EEA1: variants seen among roughly 807,000 people sequenced by gnomAD.
EEA1 encodes early endosome antigen 1, 162kD.
In EEA1, 111 loss-of-function variants were observed where a neutral mutation model predicts 209.2. The ratio of observed to expected loss-of-function variants is 0.53; its 90% CI spans 0.45 to 0.62. The LOEUF (loss-of-function observed/expected upper bound fraction) is 0.62. Among genes scored for constraint, EEA1 ranks in the 20% least tolerant of loss-of-function variants. The pLI is 0.00. For synonymous variants in EEA1, 536 were observed against 540.6 expected, an observed-to-expected ratio of 0.99 and a Z score of 0.12; for missense variants, 1,343 against 1,530.8, an observed-to-expected ratio of 0.88 and a Z score of 2.05.
At chr12:92,808,699 T>C (rs1483928618) in intron 18 of EEA1, among the ~76,000 whole-genome samples, 1 of 152,182 alleles carries the variant, frequency 6.6e-6, no homozygotes, top group Non-Finnish European at 1.5e-5. Flanking sequence ...TTTTTAATTT[T>C]ACAGTAATTT....
At chr12:92,921,402 T>TGG (rs1206565774) in intron 1 of EEA1, among the ~76,000 whole-genome samples, 1 of 98,852 alleles carries the variant, frequency 1.0e-5, no homozygotes, top group East Asian at 2.1e-4. Flanking sequence ...ATATACACCA[T>TGG]GGAATACTAT....
intron 1 of EEA1, among the ~76,000 whole-genome samples, chr12:92,911,097 T>C (rs928018184): frequency 6.6e-6 from 1 of 152,222 alleles, no homozygotes; most frequent in Non-Finnish European, 1.5e-5. Context: ...AAACTAAACA[T>C]ACTCTTACTA....
intron 1 of EEA1, among the ~76,000 whole-genome samples, chr12:92,926,496 T>C (rs1229779047): frequency 6.6e-6 from 1 of 152,168 alleles, no homozygotes; most frequent in Non-Finnish European, 1.5e-5. Flanking sequence ...AAAATATATA[T>C]TCTACCTTCT....
At chr12:92,836,468 A>G (rs1876935591) in intron 10 of EEA1, among the ~76,000 whole-genome samples, 1 of 152,228 alleles carries the variant, frequency 6.6e-6, no homozygotes, top group South Asian at 2.1e-4. Context: ...GAATATAAAA[A>G]GAGTGCCATG....
At position 92,842,506 on chromosome 12, in the gene EEA1, T is replaced by G; in HGVS notation, c.874A>C (p.Lys292Gln). The change falls in exon 10 of 29, where the codon AAA becomes CAA. Residue 292 changes from lysine to glutamine, a missense_variant. Transcript: ENST00000322349. ...EVAVYVQELQ[K>Q]LKSSVNELTQ... ...AATTCATTAACTGAACTTTTCAGTT[T>G]TTGTAGTTCCTGTACATATACAGCA... The G allele has an allele frequency of 1.2e-6, 2 of 1,608,852 alleles. No individual in the cohort carries two copies.
chr12:92,868,488 A>G (rs1878498098), intron 2 of EEA1, among the ~76,000 whole-genome samples: 1 of 152,194 alleles, frequency 6.6e-6, no homozygotes, highest in African/African-American at 2.4e-5. Context: ...CTTTTTGACT[A>G]TTGGCTCCAC....
chr12:92,804,980 C>T (rs1875125469), intron 18 of EEA1, among the ~76,000 whole-genome samples: 1 of 152,024 alleles, frequency 6.6e-6, no homozygotes. Context: ...AAAGGTTTTC[C>T]TACCCCAATA....
chr12:92,915,267 G>A (rs867683043), intron 1 of EEA1, among the ~76,000 whole-genome samples: 53 of 152,100 alleles, frequency 3.5e-4, no homozygotes, highest in African/African-American at 1.3e-3. Flanking sequence ...AGGAGTTCAA[G>A]ACTAGCCTGG....
At chr12:92,790,100 T>A (rs972025110) in intron 21 of EEA1, among the ~76,000 whole-genome samples, 1 of 150,590 alleles carries the variant, frequency 6.6e-6, no homozygotes, top group African/African-American at 2.4e-5. Context: ...AACAAAAAGG[T>A]CATCTACACC....
intron 28 of EEA1, 43 bp downstream of exon 28, chr12:92,776,801 A>C (rs1434160106): frequency 6.5e-7 from 1 of 1,541,494 alleles, no homozygotes; most frequent in Admixed American, 1.7e-5. Context: ...TATCAGTGAC[A>C]AATGAAATCC....
chr12:92,903,692 A>G (rs1033604387), intron 1 of EEA1, among the ~76,000 whole-genome samples: 1 of 152,174 alleles, frequency 6.6e-6, no homozygotes, highest in Non-Finnish European at 1.5e-5. Flanking sequence ...AAAAGAATGT[A>G]TATGATATAA....
chr12:92,894,585 T>C (rs551961836), intron 1 of EEA1, among the ~76,000 whole-genome samples: 1 of 152,326 alleles, frequency 6.6e-6, no homozygotes, highest in African/African-American at 2.4e-5. Context: ...AAACCAGCCA[T>C]TAACGTTCCC....
intron 22 of EEA1, among the ~76,000 whole-genome samples, chr12:92,786,287 C>T (rs1465008315): frequency 1.3e-5 from 2 of 152,096 alleles, no homozygotes; most frequent in African/African-American, 4.8e-5. Context: ...TTTAGTGGTT[C>T]CTCACTGTTC....
intron 2 of EEA1, among the ~76,000 whole-genome samples, chr12:92,889,022 C>G (rs549090202): frequency 8.6e-5 from 13 of 151,868 alleles, no homozygotes; most frequent in Admixed American, 3.3e-4. Flanking sequence ...TGTGGTGGCA[C>G]GTGCCTGTAA....
intron 17 of EEA1, 31 bp downstream of exon 17, chr12:92,811,248 T>C: frequency 7.2e-7 from 1 of 1,381,284 alleles, no homozygotes; most frequent in Non-Finnish European, 9.5e-7. Context: ...AAGTAGAAAA[T>C]ATGACTAAAT....
At chr12:92,813,227 T>C in intron 15 of EEA1, 134 bp from the exon 16 acceptor site, 1 of 468,682 alleles carries the variant, frequency 2.1e-6, no homozygotes, top group Non-Finnish European at 3.7e-6. Flanking sequence ...GATTTATATA[T>C]TGAAAAATAT....
chr12:92,908,909 C>T (rs1440599362), intron 1 of EEA1, among the ~76,000 whole-genome samples: 5 of 152,100 alleles, frequency 3.3e-5, no homozygotes, highest in Admixed American at 1.3e-4. Context: ...CTGCAACCTC[C>T]GCCTCCCAAG....
chr12:92,832,273 G>C (rs1368299944), intron 11 of EEA1, among the ~76,000 whole-genome samples: 1 of 151,950 alleles, frequency 6.6e-6, no homozygotes, highest in Non-Finnish European at 1.5e-5. Flanking sequence ...GCAATTTATA[G>C]TATCAATTCA....
At chr12:92,885,959 A>G (rs1879362849) in intron 2 of EEA1, among the ~76,000 whole-genome samples, 1 of 152,174 alleles carries the variant, frequency 6.6e-6, no homozygotes, top group African/African-American at 2.4e-5. Flanking sequence ...TAAATTCACA[A>G]TCGAAAAAAA....
Sources: allele counts gnomAD v4.1 joint callset (sites outside exome capture counted in the v4.1 genomes callset), GRCh38; gene constraint gnomAD v4.1.1; transcripts MANE v1.5; gene names NCBI Gene and HGNC (gene_info 2026-07-23, HGNC 2026-07-21).